The following RYR2 variants were observed in gnomAD, a reference collection of about 807,000 sequenced individuals.
RYR2 encodes the protein cardiac muscle ryanodine receptor-calcium release channel.
In RYR2, 227 loss-of-function variants were observed where a neutral mutation model predicts 601.1. The ratio of observed to expected loss-of-function variants is 0.38; its 90% CI spans 0.34 to 0.42. The LOEUF (loss-of-function observed/expected upper bound fraction) is 0.42, where lower values mean the gene tolerates loss of function less well. Among genes scored for constraint, RYR2 ranks in the 10% least tolerant of loss-of-function variants. The probability of loss-of-function intolerance (pLI) is 1.00; values close to 1 mark genes in which losing one functional copy is unlikely to be tolerated. For synonymous variants in RYR2, 2,223 were observed against 2,175.1 expected, an observed-to-expected ratio of 1.02 and a Z score of -0.61; for missense variants, 4,646 against 6,156.5, an observed-to-expected ratio of 0.75 and a Z score of 8.21.
Position 237,552,693 on chromosome 1 carries a change from A to T in RYR2, c.3214+2002A>T, listed in dbSNP as rs139071412. Among the ~76,000 whole-genome samples the T allele has an allele frequency of 4.5e-3, 691 of 152,072 alleles. 5 individuals are homozygous for T. In the Middle Eastern group the frequency reaches 0.051, roughly 11 times the overall value. ...CATCATGATGCTTTTATGATCTTGC[A>T]TGTTTTATGTATATCACAAAATCTA... On this transcript the variant is annotated intron_variant, in intron 27 of 104. Coordinates refer to ENST00000366574, the MANE Select transcript of RYR2 (RefSeq NM_001035.3).
At position 237,773,583 on chromosome 1, in the gene RYR2, C is replaced by T. The variant is rs998659755; in HGVS notation, c.11710C>T (p.Arg3904Trp). ...AGATGTTATTGATGAACAAGGACAA[C>T]GGAATTTCTCCAAAGCTATCCAAGT... is the stretch of plus-strand genomic sequence containing the variant. ...GKDVIDEQGQRNFSKAIQVAK... is the reference protein window; with the variant it reads ...GKDVIDEQGQWNFSKAIQVAK... Residue 3904 changes from arginine (R) to tryptophan (W), a missense_variant, in exon 87 of 105, where the codon CGG (arginine) becomes TGG (tryptophan). Physicochemically the swap from Arg to Trp is moderately radical, Grantham distance 101. Transcript: ENST00000366574. 4 of 1,604,958 alleles carry T rather than the reference C, an allele frequency of 2.5e-6. No individual in the cohort carries two copies. Among genetic ancestry groups the T allele is most frequent in the Admixed American group, 1.7e-5 (1 of 59,888 alleles).
intron 10 of RYR2, among the ~76,000 whole-genome samples, chr1:237,412,113 A>G (rs149257005): frequency 2.3e-4 from 35 of 152,266 alleles, no homozygotes; most frequent in African/African-American, 7.7e-4. Context: ...GAGCTATCCT[A>G]GCTGTCAAAG....
chr1:237,388,405 T>G lies in RYR2; in HGVS notation c.773+222T>G, dbSNP rs575064592. On this transcript the variant is annotated intron_variant, in intron 10 of 104. Transcript: ENST00000366574. The stretch of plus-strand genomic sequence containing the variant: ...GAAGAACTGAAAATTTTTGTATAAT[T>G]AAAACATATTAAGAAACACTGAACA... Among the ~76,000 whole-genome samples the G allele has an allele frequency of 2.6e-5, 4 of 152,322 alleles. No individual in the cohort carries two copies. The East Asian group carries it at 7.7e-4, about 29-fold the overall frequency.
At chr1:237,142,150 TCTTGGGCATGTAGGGTGGCTCCAGCAGC>T (rs1673457058) in intron 1 of RYR2, among the ~76,000 whole-genome samples, 1 of 152,298 alleles carries the variant, frequency 6.6e-6, no homozygotes, top group African/African-American at 2.4e-5. Context: ...GTCCTCAGCT[TCTTGGGCATGTAGGGTGGCTCCAGCAGC>T]CTGAGGGAAG....
intron 52 of RYR2, among the ~76,000 whole-genome samples, chr1:237,655,580 T>C (rs983019893): frequency 4.6e-5 from 7 of 152,200 alleles, no homozygotes; most frequent in African/African-American, 1.4e-4. Context: ...TCCAGTGTGT[T>C]GGAGAGTCAA....
In RYR2 at chr1:237,541,968, C is replaced by T. The variant is rs1056718274; in HGVS notation, c.2907-6463C>T. Reference sequence around the variant, plus strand: ...CTTCAGTTACTTCAGGCCACCTGGGCATATAGGTGCATGTCACAGGGGATG... The same window carrying T: ...CTTCAGTTACTTCAGGCCACCTGGGTATATAGGTGCATGTCACAGGGGATG... On this transcript the variant is annotated intron_variant, in intron 25 of 104. Transcript: ENST00000366574. Among the ~76,000 whole-genome samples, 2 of 152,094 alleles carry T rather than the reference C, an allele frequency of 1.3e-5. 1 individual carries two copies. Among genetic ancestry groups the T allele is most frequent in the Admixed American group, 1.3e-4 (2 of 15,270 alleles).
intron 1 of RYR2, among the ~76,000 whole-genome samples, chr1:237,174,667 T>C (rs1198493642): frequency 6.6e-6 from 1 of 152,200 alleles, no homozygotes; most frequent in Non-Finnish European, 1.5e-5. Flanking sequence ...TGTTCTAATA[T>C]CCCGACTGCT....
chr1:237,197,437 C>T (rs1452432405), intron 1 of RYR2, among the ~76,000 whole-genome samples: 2 of 152,114 alleles, frequency 1.3e-5, no homozygotes, highest in South Asian at 2.1e-4. Context: ...GTCTTAATAT[C>T]TTAATTGTAT....
intron 17 of RYR2, among the ~76,000 whole-genome samples, chr1:237,489,303 G>A (rs1160698122): frequency 6.6e-6 from 1 of 152,096 alleles, no homozygotes; most frequent in Non-Finnish European, 1.5e-5. Context: ...AATCACCAGA[G>A]AGAAATGCAA....
chr1:237,540,014 T>G (rs2257101), intron 25 of RYR2, among the ~76,000 whole-genome samples: 55,222 of 151,682 alleles, frequency 0.36, 10,612 homozygotes, highest in East Asian at 0.49. Flanking sequence ...TGTAGTTTTT[T>G]TCTTTCCTCC....
chr1:237,377,451 A>G lies in RYR2; in HGVS notation c.576+16A>G. The G allele has an allele frequency of 6.4e-7, 1 of 1,567,176 alleles. No homozygotes were observed. The stretch of plus-strand genomic sequence containing the variant: ...AAGGTACTTGGTAAGTGTGGAAAGT[A>G]GGATCATGTATCTGCTGATATGCTA... On this transcript the variant is annotated intron_variant, in intron 8 of 104. Coordinates refer to ENST00000366574, the MANE Select transcript of RYR2 (RefSeq NM_001035.3).
At chr1:237,737,764 T>G (rs1691275262) in intron 79 of RYR2, among the ~76,000 whole-genome samples, 3 of 152,216 alleles carry the variant, frequency 2.0e-5, no homozygotes, top group Admixed American at 1.3e-4. Context: ...CCCAGACTGG[T>G]TAACCTACTT....
At position 237,659,093 on chromosome 1, in the gene RYR2, A is replaced by G. The variant is rs80225431; in HGVS notation, c.8209-892A>G. On this transcript the variant is annotated intron_variant, in intron 54 of 104. Coordinates refer to ENST00000366574, the MANE Select transcript of RYR2 (RefSeq NM_001035.3). ...TTGGCGAAATGAAAATCAGACACCA[A>G]AGGTTGCTTCCAGAGGATGTGTATG... Among the ~76,000 whole-genome samples the G allele has an allele frequency of 9.6e-3, 1,457 of 152,304 alleles. 46 individuals are homozygous for G. The highest frequency in any genetic ancestry group is 0.062 in the East Asian group (320 of 5,178).
intron 29 of RYR2, among the ~76,000 whole-genome samples, chr1:237,572,511 GT>G (rs1672807116): frequency 6.6e-6 from 1 of 152,098 alleles, no homozygotes; most frequent in Non-Finnish European, 1.5e-5. Flanking sequence ...GTGGCACATG[GT>G]TTTGAACAAT....
intron 1 of RYR2, among the ~76,000 whole-genome samples, chr1:237,081,790 C>T (rs751277466): frequency 5.9e-5 from 9 of 152,054 alleles, no homozygotes; most frequent in Non-Finnish European, 1.2e-4. Context: ...AGAAACAAAA[C>T]CTTTACTCAT....
intron 10 of RYR2, among the ~76,000 whole-genome samples, chr1:237,416,773 G>A (rs2150027369): frequency 6.6e-6 from 1 of 151,982 alleles, no homozygotes; most frequent in South Asian, 2.1e-4. Context: ...CAGAGAGAGA[G>A]AGAGAGAGAG....
intron 1 of RYR2, among the ~76,000 whole-genome samples, chr1:237,243,814 G>C (rs538105780): frequency 6.6e-6 from 1 of 152,208 alleles, no homozygotes; most frequent in East Asian, 1.9e-4. Flanking sequence ...TATGAGCCAG[G>C]AACCAATACA....
chr1:237,490,565 T>G (rs549339796), intron 17 of RYR2, among the ~76,000 whole-genome samples: 2 of 152,348 alleles, frequency 1.3e-5, no homozygotes, highest in African/African-American at 2.4e-5. Context: ...AAGATCTGCT[T>G]TAACTCGTCA....
At chr1:237,710,799 C>A (rs1688775854) in intron 70 of RYR2, among the ~76,000 whole-genome samples, 1 of 151,668 alleles carries the variant, frequency 6.6e-6, no homozygotes, top group African/African-American at 2.4e-5. Context: ...ACAGCTGCAT[C>A]CCAGCCTGGG....
Sources: gnomAD v4.1 joint callset for allele counts (sites outside exome capture counted in the v4.1 genomes callset) on GRCh38, gnomAD v4.1.1 for gene constraint, MANE v1.5 for transcripts, NCBI Gene and HGNC (gene_info 2026-07-23, HGNC 2026-07-21) for gene names.